Variants in IRAK1BP1 observed in about 807,000 individuals in gnomAD.
IRAK1BP1 encodes interleukin-1 receptor-associated kinase 1-binding protein 1.
In IRAK1BP1, 24 loss-of-function variants were observed where a neutral mutation model predicts 28.0. That is an observed-to-expected ratio of 0.86 (90% CI 0.62 to 1.20). IRAK1BP1 has a LOEUF of 1.20. IRAK1BP1 is among the 50% of genes most tolerant of loss of function. The probability of loss-of-function intolerance (pLI) is 0.00; values close to 1 mark genes in which losing one functional copy is unlikely to be tolerated. For missense variants in IRAK1BP1, 336 were observed against 316.7 expected (o/e 1.06, Z -0.46); for synonymous variants, 131 against 116.3 (o/e 1.13, Z -0.81).
the IRAK1BP1 span, chr6:78,970,998 G>T: frequency 1.4e-6 from 1 of 692,068 alleles, no homozygotes; most frequent in Admixed American, 3.4e-5. Context: ...TCAGCTAATA[G>T]AAATTCTAAT....
chr6:78,949,977 C>T (rs143723555), downstream of IRAK1BP1, among the ~76,000 whole-genome samples: 113 of 152,274 alleles, frequency 7.4e-4, 1 homozygote, highest in African/African-American at 2.7e-3. Flanking sequence ...GTGTGAGCCA[C>T]CATGCTTGGC....
chr6:78,973,714 CAG>C, the IRAK1BP1 span, among the ~76,000 whole-genome samples: 1 of 151,704 alleles, frequency 6.6e-6, no homozygotes, highest in African/African-American at 2.4e-5. Flanking sequence ...CAAAAAAAGA[CAG>C]GGGTTGCAAT....
chr6:78,960,657 T>C, the IRAK1BP1 span, among the ~76,000 whole-genome samples: 1 of 152,040 alleles, frequency 6.6e-6, no homozygotes, highest in African/African-American at 2.4e-5. Flanking sequence ...ATATATTAGT[T>C]TTCTTTATTC....
chr6:78,975,096 T>C, the IRAK1BP1 span, among the ~76,000 whole-genome samples: 1 of 151,668 alleles, frequency 6.6e-6, no homozygotes, highest in African/African-American at 2.4e-5. Flanking sequence ...ACCAATATCC[T>C]TGATGAACAT....
At chr6:78,975,775 T>A in the IRAK1BP1 span, among the ~76,000 whole-genome samples, 1 of 151,684 alleles carries the variant, frequency 6.6e-6, no homozygotes, top group Non-Finnish European at 1.5e-5. Flanking sequence ...CCATTCACAA[T>A]TGCTTCAAAG....
chr6:78,969,931 G>A, the IRAK1BP1 span: 4 of 1,575,232 alleles, frequency 2.5e-6, no homozygotes, highest in Non-Finnish European at 3.5e-6. Context: ...ATTACAAACA[G>A]AAACAAATTG....
chr6:78,968,178 T>C, the IRAK1BP1 span, among the ~76,000 whole-genome samples: 2 of 152,144 alleles, frequency 1.3e-5, no homozygotes, highest in Non-Finnish European at 2.9e-5. Context: ...GTAATGTATG[T>C]GAAAAATTTA....
the IRAK1BP1 span, among the ~76,000 whole-genome samples, chr6:78,972,084 C>G: frequency 6.6e-6 from 1 of 152,114 alleles, no homozygotes; most frequent in Non-Finnish European, 1.5e-5. Flanking sequence ...AGGGCACAGA[C>G]AAACAAAAAG....
chr6:78,908,189 T>A (rs1436339184), intron 4 of IRAK1BP1, among the ~76,000 whole-genome samples: 4 of 151,792 alleles, frequency 2.6e-5, no homozygotes, highest in Non-Finnish European at 4.4e-5. Context: ...TAGCTGGGAA[T>A]ACAGGTGCCC....
chr6:78,869,230 A>G (rs1770705839), intron 1 of IRAK1BP1, among the ~76,000 whole-genome samples: 1 of 152,354 alleles, frequency 6.6e-6, no homozygotes, highest in South Asian at 2.1e-4. Flanking sequence ...AATATATAAA[A>G]CAACATAAGC....
At chr6:78,915,274 ACTGTC>A (rs1191510581) in intron 4 of IRAK1BP1, among the ~76,000 whole-genome samples, 1 of 152,238 alleles carries the variant, frequency 6.6e-6, no homozygotes, top group Non-Finnish European at 1.5e-5. Flanking sequence ...TGATTCAAAG[ACTGTC>A]AGCATTTCTA....
the IRAK1BP1 span, chr6:78,955,925 T>G: frequency 3.8e-6 from 1 of 260,820 alleles, no homozygotes. Flanking sequence ...CTCCCAGTCT[T>G]TGCTTAGGTA....
chr6:78,960,078 T>C, the IRAK1BP1 span, among the ~76,000 whole-genome samples: 1 of 152,098 alleles, frequency 6.6e-6, no homozygotes, highest in Non-Finnish European at 1.5e-5. Flanking sequence ...CTCAGCATCA[T>C]GAAAGAGTAC....
At chr6:78,873,271 A>AG (rs1770857823) in intron 1 of IRAK1BP1, among the ~76,000 whole-genome samples, 1 of 150,792 alleles carries the variant, frequency 6.6e-6, no homozygotes, top group Admixed American at 6.6e-5. Flanking sequence ...AAAAAAAAAA[A>AG]AAAAAAAAAA....
At position 78,867,992 on chromosome 6, in the gene IRAK1BP1, G is replaced by T. The variant is rs545780584; in HGVS notation, c.315+101G>T. On this transcript the variant is annotated intron_variant, in intron 1 of 3. Coordinates refer to ENST00000369940, the MANE Select transcript of IRAK1BP1 (RefSeq NM_001010844.4). The stretch of plus-strand genomic sequence containing the variant: ...CCCCTAGCGGGAAGGGAGATGTGGA[G>T]GGTCTGGAGCGTTTAGGACGCGTTT... 48 of 1,292,786 alleles carry T rather than the reference G, an allele frequency of 3.7e-5. No homozygotes were observed. The South Asian group carries it at 7.0e-4, about 19-fold the overall frequency. 80.1% of individuals were successfully genotyped at this position (1,292,786 alleles called of 1,614,324 possible). A position where few individuals can be genotyped will look rare whatever the true frequency, so the allele number is the denominator to read the frequency against.
In IRAK1BP1 at chr6:78,885,358, T is replaced by G; in HGVS notation, c.316-20T>G. On this transcript the variant is annotated intron_variant, in intron 1 of 3. Transcript: ENST00000369940. ...CATCAAATATTTAGTAATCATACTC[T>G]TGGACTTTTTCTGTTTCAGGCAGAA... 1.4e-6 allele frequency: 2 copies of G among 1,447,648 alleles called. No individual in the cohort carries two copies. Among genetic ancestry groups the G allele is most frequent in the Non-Finnish European group, 1.9e-6 (2 of 1,037,866 alleles). The allele number at this position is 1,447,648 out of a possible 1,614,324, so 89.7% of individuals were successfully genotyped here. A position where few individuals can be genotyped will look rare whatever the true frequency, so the allele number is the denominator to read the frequency against.
chr6:78,941,884 C>T (rs915603355), intron 4 of IRAK1BP1, among the ~76,000 whole-genome samples: 6 of 152,096 alleles, frequency 3.9e-5, no homozygotes, highest in Non-Finnish European at 1.5e-5. Context: ...GGCCATTATG[C>T]TTCATAAAAC....
the IRAK1BP1 span, among the ~76,000 whole-genome samples, chr6:78,977,271 C>T: frequency 2.5e-4 from 37 of 150,278 alleles, no homozygotes; most frequent in East Asian, 6.7e-3. Context: ...TAAACTATTG[C>T]AAGAACAAAA....
At chr6:78,971,539 T>C in the IRAK1BP1 span, among the ~76,000 whole-genome samples, 1 of 152,166 alleles carries the variant, frequency 6.6e-6, no homozygotes, top group Non-Finnish European at 1.5e-5. Context: ...GATGGCCGAA[T>C]AGGAACAGCT....
Sources: allele counts gnomAD v4.1 joint callset (sites outside exome capture counted in the v4.1 genomes callset), GRCh38; gene constraint gnomAD v4.1.1; transcripts MANE v1.5; gene names NCBI Gene and HGNC (gene_info 2026-07-23, HGNC 2026-07-21).